The following KCNIP4 variants were observed in gnomAD, a reference collection of about 807,000 sequenced individuals.
KCNIP4 encodes potassium voltage-gated channel interacting protein 4.
In KCNIP4, 12 loss-of-function variants were observed where a neutral mutation model predicts 34.0. That is an observed-to-expected ratio of 0.35 (90% CI 0.23 to 0.57). The LOEUF (loss-of-function observed/expected upper bound fraction) is 0.57. Ranked by LOEUF, KCNIP4 falls within the 20% of genes least tolerant of loss-of-function variation. KCNIP4 has a pLI of 0.83. For synonymous variants in KCNIP4, 124 were observed against 102.2 expected (o/e 1.21, Z -1.29); for missense variants, 238 against 311.7 (o/e 0.76, Z 1.78).
chr4:21,263,694 G>T lies in KCNIP4; in HGVS notation c.62-380985C>A, dbSNP rs181820194. 2.0e-5 allele frequency among the ~76,000 whole-genome samples: 3 copies of T among 152,126 alleles called. No individual in the cohort carries two copies. In the East Asian group the frequency reaches 5.8e-4, roughly 29 times the overall value. On this transcript the variant is annotated intron_variant, in intron 1 of 8. Transcript: ENST00000382152. ...TTTTAATTTTATTTTTTGCGACAGGGTCTCACTGTGTCATGCAGGCTAGAG... is the reference window on the plus strand; with the variant it reads ...TTTTAATTTTATTTTTTGCGACAGGTTCTCACTGTGTCATGCAGGCTAGAG...
At chr4:21,249,603 A>C (rs1760542135) in intron 1 of KCNIP4, among the ~76,000 whole-genome samples, 1 of 152,102 alleles carries the variant, frequency 6.6e-6, no homozygotes, top group South Asian at 2.1e-4. Flanking sequence ...GTAGGTACCC[A>C]TAATAATCAC....
At chr4:20,918,216 T>A (rs1001069145) in intron 1 of KCNIP4, among the ~76,000 whole-genome samples, 1 of 152,070 alleles carries the variant, frequency 6.6e-6, no homozygotes, top group Non-Finnish European at 1.5e-5. Flanking sequence ...GTGTTAATCT[T>A]ACAGAGCTTT....
At chr4:21,211,564 G>A (rs919249535) in intron 1 of KCNIP4, among the ~76,000 whole-genome samples, 10 of 151,990 alleles carry the variant, frequency 6.6e-5, no homozygotes, top group Non-Finnish European at 1.2e-4. Flanking sequence ...CTCCACTGTC[G>A]CCTAGGTGGA....
At chr4:20,871,186 C>A (rs1005058053) in intron 2 of KCNIP4, among the ~76,000 whole-genome samples, 2 of 151,978 alleles carry the variant, frequency 1.3e-5, no homozygotes, top group African/African-American at 4.8e-5. Context: ...GTACAATGGA[C>A]ATTAGAATGA....
chr4:20,779,575 AAC>A (rs1491423491), intron 3 of KCNIP4, among the ~76,000 whole-genome samples: 5 of 16,960 alleles, frequency 2.9e-4, no homozygotes, highest in African/African-American at 1.9e-4. Context: ...CCTGCCCCAC[AAC>A]CCCCCCCCCC....
At chr4:21,149,886 T>C (rs1752637751) in intron 1 of KCNIP4, among the ~76,000 whole-genome samples, 1 of 152,110 alleles carries the variant, frequency 6.6e-6, no homozygotes, top group Non-Finnish European at 1.5e-5. Context: ...TATAAAAACA[T>C]GGATTTTAAG....
chr4:20,842,144 C>CT (rs371421235), intron 3 of KCNIP4, among the ~76,000 whole-genome samples: 19 of 152,068 alleles, frequency 1.2e-4, no homozygotes, highest in Admixed American at 2.0e-4. Flanking sequence ...AATTACCTGT[C>CT]TTTTTTTGTC....
chr4:20,910,909 T>A (rs1386222016), intron 1 of KCNIP4, among the ~76,000 whole-genome samples: 1 of 152,170 alleles, frequency 6.6e-6, no homozygotes, highest in Non-Finnish European at 1.5e-5. Context: ...CGGAAGCTTT[T>A]CCTCCTCCTT....
intron 3 of KCNIP4, among the ~76,000 whole-genome samples, chr4:20,802,594 T>C (rs933747225): frequency 6.6e-6 from 1 of 152,092 alleles, no homozygotes; most frequent in Non-Finnish European, 1.5e-5. Flanking sequence ...ATAGACCATA[T>C]TTTAGGCCAC....
At chr4:20,746,986 A>G (rs1752543645) in intron 5 of KCNIP4, among the ~76,000 whole-genome samples, 1 of 152,216 alleles carries the variant, frequency 6.6e-6, no homozygotes, top group African/African-American at 2.4e-5. Context: ...AAGTAACTGC[A>G]ACAGCCTAGT....
At chr4:21,139,959 T>G (rs6448029) in intron 1 of KCNIP4, among the ~76,000 whole-genome samples, 51,523 of 151,968 alleles carry the variant, frequency 0.34, 8,934 homozygotes, top group African/African-American at 0.4. Context: ...TCTAACATAC[T>G]GAGCTTCTCA....
intron 1 of KCNIP4, among the ~76,000 whole-genome samples, chr4:21,907,254 A>T (rs12498896): frequency 6.6e-6 from 1 of 152,038 alleles, no homozygotes; most frequent in African/African-American, 2.4e-5. Context: ...TGCAGGACTA[A>T]CTCCGTTACT....
At chr4:21,309,147 G>T (rs1712835023) in intron 1 of KCNIP4, among the ~76,000 whole-genome samples, 1 of 152,116 alleles carries the variant, frequency 6.6e-6, no homozygotes, top group South Asian at 2.1e-4. Context: ...ATGAACTGAG[G>T]CAGGGAACAA....
At chr4:20,744,606 G>A (rs1366338927) in intron 5 of KCNIP4, among the ~76,000 whole-genome samples, 1 of 151,786 alleles carries the variant, frequency 6.6e-6, no homozygotes, top group Non-Finnish European at 1.5e-5. Flanking sequence ...ATCACACACG[G>A]GGGCCTGATG....
At chr4:20,831,847 G>T (rs1718464639) in intron 3 of KCNIP4, among the ~76,000 whole-genome samples, 1 of 152,164 alleles carries the variant, frequency 6.6e-6, no homozygotes, top group Non-Finnish European at 1.5e-5. Flanking sequence ...TTGCTCTGTT[G>T]TGTGTGGTGC....
At chr4:21,331,846 A>G (rs1715667050) in intron 1 of KCNIP4, among the ~76,000 whole-genome samples, 1 of 152,026 alleles carries the variant, frequency 6.6e-6, no homozygotes, top group African/African-American at 2.4e-5. Flanking sequence ...GGGATGTTTC[A>G]TATTTCACAG....
chr4:21,545,208 C>T (rs1024713377), intron 1 of KCNIP4, among the ~76,000 whole-genome samples: 4 of 152,202 alleles, frequency 2.6e-5, no homozygotes, highest in East Asian at 3.9e-4. Flanking sequence ...AGTTACCCTA[C>T]ATGGTCTAAA....
intron 3 of KCNIP4, among the ~76,000 whole-genome samples, chr4:20,837,514 G>A (rs865861258): frequency 4.1e-4 from 62 of 151,906 alleles, no homozygotes; most frequent in Admixed American, 1.5e-3. Flanking sequence ...GTGATGAATG[G>A]TGCCCTAGAA....
At chr4:20,931,389 T>C (rs923056385) in intron 1 of KCNIP4, among the ~76,000 whole-genome samples, 3 of 152,096 alleles carry the variant, frequency 2.0e-5, no homozygotes, top group African/African-American at 7.2e-5. Flanking sequence ...CGCAACATCA[T>C]TTGCTGATTT....
Sources: gnomAD v4.1 joint callset for allele counts (sites outside exome capture counted in the v4.1 genomes callset) on GRCh38, gnomAD v4.1.1 for gene constraint, MANE v1.5 for transcripts, NCBI Gene and HGNC (gene_info 2026-07-23, HGNC 2026-07-21) for gene names.